The following ADARB2 variants were observed in gnomAD, a reference collection of about 807,000 sequenced individuals.
ADARB2 encodes the protein adenosine deaminase RNA specific B2 (inactive).
ADARB2 carries 25 observed loss-of-function variants against 62.2 expected under a neutral mutation model. That is an observed-to-expected ratio of 0.40 (90% confidence interval 0.29 to 0.56). The LOEUF (loss-of-function observed/expected upper bound fraction) is 0.56, where lower values mean the gene tolerates loss of function less well. Ranked by LOEUF, ADARB2 falls within the 20% of genes least tolerant of loss-of-function variation. The pLI, the probability that ADARB2 is intolerant of heterozygous loss-of-function variation, is 0.43. For synonymous variants in ADARB2, 572 were observed against 500.8 expected (o/e 1.14, Z -1.90); for missense variants, 1,071 against 1,077.4 (o/e 0.99, Z 0.08).
intron 1 of ADARB2, among the ~76,000 whole-genome samples, chr10:1,734,258 C>T (rs545929860): frequency 3.4e-5 from 5 of 148,798 alleles, no homozygotes; most frequent in Non-Finnish European, 5.9e-5. Context: ...CAGGTTCCTG[C>T]CAAATAATAC....
chr10:1,294,269 A>G (rs2131813321), intron 3 of ADARB2, among the ~76,000 whole-genome samples: 2 of 152,308 alleles, frequency 1.3e-5, no homozygotes, highest in East Asian at 3.9e-4. Flanking sequence ...TCCATTTCTG[A>G]TGCCAGCCAT....
At chr10:1,703,489 A>G (rs1834850307) in intron 1 of ADARB2, among the ~76,000 whole-genome samples, 2 of 152,204 alleles carry the variant, frequency 1.3e-5, no homozygotes, top group Non-Finnish European at 2.9e-5. Context: ...TTGAGTAGGC[A>G]GGGATGATCC....
intron 1 of ADARB2, among the ~76,000 whole-genome samples, chr10:1,459,997 TGAGTTTA>T (rs1831149546): frequency 1.0e-5 from 1 of 99,928 alleles, no homozygotes; most frequent in African/African-American, 3.4e-5. Context: ...GCCTGTGACC[TGAGTTTA>T]CCTGCGTAAC....
chr10:1,734,296 G>GT (rs11338512), intron 1 of ADARB2, among the ~76,000 whole-genome samples: 18,272 of 130,652 alleles, frequency 0.14, 1,358 homozygotes, highest in Middle Eastern at 0.2. Flanking sequence ...TGACGAAGGT[G>GT]TTTTTTTTTT....
rs1836661063 is a variant in ADARB2, at chr10:1,180,661, G to A, written c.*2532C>T. 1 of 93,662 alleles carries A rather than the reference G, an allele frequency of 1.1e-5. No individual in the cohort carries two copies. The highest frequency in any genetic ancestry group is 2.7e-5 in the Non-Finnish European group (1 of 37,388). 5.8% of individuals were successfully genotyped at this position (93,662 alleles called of 1,614,324 possible). A position where few individuals can be genotyped will look rare whatever the true frequency, so the allele number is the denominator to read the frequency against. Reference sequence around the variant, plus strand: ...GCCTGGGACCCTCCTTTCCTTACGTGGGGTCCCCTCTGCAGCCCACATCCC... The same window carrying A: ...GCCTGGGACCCTCCTTTCCTTACGTAGGGTCCCCTCTGCAGCCCACATCCC... On this transcript the variant is annotated 3_prime_UTR_variant, in exon 10 of 10. Transcript: ENST00000381312.
At chr10:1,287,051 T>G (rs1212276237) in intron 3 of ADARB2, among the ~76,000 whole-genome samples, 1 of 152,174 alleles carries the variant, frequency 6.6e-6, no homozygotes, top group Admixed American at 6.5e-5. Flanking sequence ...ATGCAGGCAA[T>G]GCAGTTTTGA....
At chr10:1,672,112 C>A (rs993786740) in intron 1 of ADARB2, among the ~76,000 whole-genome samples, 27 of 149,776 alleles carry the variant, frequency 1.8e-4, no homozygotes, top group African/African-American at 6.5e-4. Context: ...CAGAGCCCTA[C>A]CCCATCCCCG....
intron 6 of ADARB2, among the ~76,000 whole-genome samples, chr10:1,230,438 C>T (rs1232217905): frequency 6.6e-6 from 1 of 152,240 alleles, no homozygotes; most frequent in Non-Finnish European, 1.5e-5. Context: ...GAGCCCCTCA[C>T]AGCAAAAGCC....
At chr10:1,412,258 C>A (rs1320337619) in intron 1 of ADARB2, among the ~76,000 whole-genome samples, 1 of 152,112 alleles carries the variant, frequency 6.6e-6, no homozygotes, top group Non-Finnish European at 1.5e-5. Context: ...CCCAGGAAAC[C>A]CTCGGGTCTT....
intron 1 of ADARB2, among the ~76,000 whole-genome samples, chr10:1,437,428 G>C (rs1454002314): frequency 6.6e-6 from 1 of 152,096 alleles, no homozygotes; most frequent in African/African-American, 2.4e-5. Flanking sequence ...ACATGCTTAT[G>C]GTACAAAGAC....
chr10:1,506,761 T>C (rs1385032432), intron 1 of ADARB2, among the ~76,000 whole-genome samples: 2 of 152,308 alleles, frequency 1.3e-5, no homozygotes, highest in South Asian at 4.2e-4. Flanking sequence ...AATTCCTATG[T>C]TGGTACCCCA....
At chr10:1,584,279 T>C (rs1833145459) in intron 1 of ADARB2, among the ~76,000 whole-genome samples, 2 of 152,108 alleles carry the variant, frequency 1.3e-5, no homozygotes, top group African/African-American at 4.8e-5. Context: ...AAAATGCACC[T>C]AAGACCTTAA....
At chr10:1,601,866 T>C (rs1239255883) in intron 1 of ADARB2, among the ~76,000 whole-genome samples, 2 of 152,156 alleles carry the variant, frequency 1.3e-5, no homozygotes, top group African/African-American at 2.4e-5. Flanking sequence ...AAGCCACAGA[T>C]AAAACAAAGC....
chr10:1,521,371 G>A (rs951168307), intron 1 of ADARB2, among the ~76,000 whole-genome samples: 4 of 152,060 alleles, frequency 2.6e-5, no homozygotes, highest in Admixed American at 6.5e-5. Flanking sequence ...TTAAAACCTC[G>A]CTTCAGTCTT....
At chr10:1,260,127 A>C (rs549910694) in intron 4 of ADARB2, among the ~76,000 whole-genome samples, 20 of 152,320 alleles carry the variant, frequency 1.3e-4, no homozygotes, top group African/African-American at 4.6e-4. Flanking sequence ...AACCTCAATA[A>C]ATTAGTTATT....
At chr10:1,297,846 GGGCAGA>G in intron 3 of ADARB2, among the ~76,000 whole-genome samples, 1 of 152,322 alleles carries the variant, frequency 6.6e-6, no homozygotes, top group East Asian at 1.9e-4. Context: ...CCGCAGCCCG[GGGCAGA>G]GGATCCCCAG....
intron 2 of ADARB2, among the ~76,000 whole-genome samples, chr10:1,366,434 C>T (rs990469338): frequency 3.9e-5 from 6 of 152,146 alleles, no homozygotes; most frequent in Non-Finnish European, 8.8e-5. Flanking sequence ...GGGTTTACTA[C>T]AAAATACTCT....
At chr10:1,272,905 C>T (rs577992884) in intron 3 of ADARB2, among the ~76,000 whole-genome samples, 22 of 152,342 alleles carry the variant, frequency 1.4e-4, no homozygotes, top group African/African-American at 4.3e-4. Context: ...TGTCCAGGGG[C>T]GGTGCTGCCT....
chr10:1,366,420 A>G (rs1237692168), intron 2 of ADARB2, among the ~76,000 whole-genome samples: 2 of 152,188 alleles, frequency 1.3e-5, no homozygotes, highest in African/African-American at 4.8e-5. Flanking sequence ...GGAAGGCTCC[A>G]TGAGGGTTTA....
Sources: allele counts gnomAD v4.1 joint callset (sites outside exome capture counted in the v4.1 genomes callset), GRCh38; gene constraint gnomAD v4.1.1; transcripts MANE v1.5; gene names NCBI Gene and HGNC (gene_info 2026-07-23, HGNC 2026-07-21).